LDLRAD4: variants seen among roughly 807,000 people sequenced by gnomAD.
LDLRAD4 encodes the protein low density lipoprotein receptor class A domain containing 4.
A neutral mutation model predicts 17.0 loss-of-function variants in LDLRAD4; 5 were observed. The observed-to-expected ratio is 0.29, with a 90% CI of 0.15 to 0.62. The LOEUF is 0.62. LDLRAD4 is among the 20% of genes least tolerant of loss of function. The pLI is 0.84. For missense variants in LDLRAD4, 340 were observed against 424.7 expected (o/e 0.80, Z 1.75); for synonymous variants, 168 against 171.8 (o/e 0.98, Z 0.17).
chr18:13,464,717 C>CTT (rs34872294), intron 3 of LDLRAD4, among the ~76,000 whole-genome samples: 4 of 134,744 alleles, frequency 3.0e-5, no homozygotes, highest in Admixed American at 7.5e-5. Flanking sequence ...CAGAGCCTGA[C>CTT]TTTTTTTTTT....
At chr18:13,317,425 G>A (rs1281933718) in intron 1 of LDLRAD4, among the ~76,000 whole-genome samples, 1 of 152,088 alleles carries the variant, frequency 6.6e-6, no homozygotes. Context: ...TTTCATTTTT[G>A]TCTCAATTCA....
intron 1 of LDLRAD4, among the ~76,000 whole-genome samples, chr18:13,249,792 C>A: frequency 6.6e-6 from 1 of 152,226 alleles, no homozygotes; most frequent in Middle Eastern, 3.4e-3. Flanking sequence ...GTTGCCCATG[C>A]TTTTGGAGTC....
At chr18:13,349,774 C>T (rs1000185383) in intron 1 of LDLRAD4, among the ~76,000 whole-genome samples, 27 of 152,076 alleles carry the variant, frequency 1.8e-4, no homozygotes, top group African/African-American at 6.5e-4. Flanking sequence ...CTAATGCTCT[C>T]CTTCGTCTCA....
chr18:13,228,787 C>T (rs899303379), intron 1 of LDLRAD4, among the ~76,000 whole-genome samples: 28 of 152,254 alleles, frequency 1.8e-4, no homozygotes, highest in African/African-American at 6.0e-4. Context: ...CTAAACTAGA[C>T]GTCCTGGGAT....
chr18:13,348,166 A>G (rs1314271774), intron 1 of LDLRAD4, among the ~76,000 whole-genome samples: 1 of 152,098 alleles, frequency 6.6e-6, no homozygotes, highest in Non-Finnish European at 1.5e-5. Context: ...TAGAATTTTC[A>G]GTTTTTCTGC....
chr18:13,645,381 CA>C lies in LDLRAD4; in HGVS notation c.646del (p.Ser216ValfsTer3). The C allele has an allele frequency of 6.2e-7, 1 of 1,614,188 alleles. No homozygotes were observed. The highest frequency in any genetic ancestry group is 1.3e-5 in the African/African-American group (1 of 75,050). On this transcript the variant is annotated frameshift_variant, in exon 6 of 6. Coordinates refer to ENST00000359446, the Ensembl canonical transcript of LDLRAD4. LOFTEE classifies it low-confidence loss of function (END_TRUNC). The surrounding 1 kb of genome is among the most constrained non-coding windows in gnomAD (Gnocchi z 5.7). ...CCCCACCCAACCGAACCATATTTGA[CA>C]GTGATTTAATAGACATTGCTATGTA...
intron 3 of LDLRAD4, among the ~76,000 whole-genome samples, chr18:13,563,187 TTTTAGG>T (rs1398134195): frequency 6.6e-6 from 1 of 152,230 alleles, no homozygotes; most frequent in African/African-American, 2.4e-5. Flanking sequence ...GGCATCTTTG[TTTTAGG>T]GATAACTAAT....
rs114405125 is a variant in LDLRAD4, at chr18:13,617,317, T to C, written c.182-3800T>C. Among the ~76,000 whole-genome samples the C allele has an allele frequency of 5.8e-3, 890 of 152,268 alleles. 5 individuals are homozygous for C. The highest frequency in any genetic ancestry group is 0.02 in the African/African-American group (817 of 41,536). ...CTTGCCTGAATTTTAAAATCAGATATATTAGCTCAGAAGATGCACACCTTT... is the reference window on the plus strand; with the variant it reads ...CTTGCCTGAATTTTAAAATCAGATACATTAGCTCAGAAGATGCACACCTTT... On this transcript the variant is annotated intron_variant, in intron 3 of 5. Transcript: ENST00000359446.
At chr18:13,297,906 G>C (rs1436862405) in intron 1 of LDLRAD4, among the ~76,000 whole-genome samples, 1 of 152,274 alleles carries the variant, frequency 6.6e-6, no homozygotes, top group Non-Finnish European at 1.5e-5. Context: ...AAGGCATGTG[G>C]CTGGGGCCAG....
chr18:13,530,395 G>T (rs2094109273), intron 3 of LDLRAD4, among the ~76,000 whole-genome samples: 1 of 152,212 alleles, frequency 6.6e-6, no homozygotes, highest in African/African-American at 2.4e-5. Context: ...GAGATGATGG[G>T]GTCATCAGTC....
chr18:13,390,915 T>C (rs2145298923), intron 2 of LDLRAD4, among the ~76,000 whole-genome samples: 1 of 152,304 alleles, frequency 6.6e-6, no homozygotes, highest in African/African-American at 2.4e-5. Flanking sequence ...TTGGTCTCCC[T>C]TCCCATCTGT....
chr18:13,327,577 G>T (rs925913065), intron 1 of LDLRAD4, among the ~76,000 whole-genome samples: 2 of 152,044 alleles, frequency 1.3e-5, no homozygotes, highest in Admixed American at 1.3e-4. Context: ...TATGGTGCGT[G>T]TATTTTTTTT....
chr18:13,565,626 C>A (rs1204074620), intron 3 of LDLRAD4, among the ~76,000 whole-genome samples: 4 of 152,204 alleles, frequency 2.6e-5, no homozygotes, highest in Non-Finnish European at 5.9e-5. Context: ...TCTCCTTTCT[C>A]GTGCCCCTGT....
chr18:13,611,211 A>C (rs951468404), intron 3 of LDLRAD4: 1 of 154,574 alleles, frequency 6.5e-6, no homozygotes. Flanking sequence ...CTGGCTTCTA[A>C]CGCTGGTAGT....
intron 3 of LDLRAD4, among the ~76,000 whole-genome samples, chr18:13,496,607 G>A (rs1157211371): frequency 6.6e-6 from 1 of 152,226 alleles, no homozygotes; most frequent in Non-Finnish European, 1.5e-5. Flanking sequence ...TCAAGCATCA[G>A]CACCGAACTG....
chr18:13,493,222 T>C (rs1039329547), intron 3 of LDLRAD4, among the ~76,000 whole-genome samples: 1 of 152,214 alleles, frequency 6.6e-6, no homozygotes, highest in Admixed American at 6.5e-5. Context: ...AAATGCCATT[T>C]CCACAAGTCT....
chr18:13,246,162 G>A (rs1166446073), intron 1 of LDLRAD4, among the ~76,000 whole-genome samples: 1 of 152,260 alleles, frequency 6.6e-6, no homozygotes, highest in Non-Finnish European at 1.5e-5. Context: ...CAGATAACCC[G>A]TATTGCTTGA....
Position 13,397,728 on chromosome 18 carries a change from G to A in LDLRAD4, c.40+9966G>A, listed in dbSNP as rs544947046. ...GACCCAGCAGGCCCTGCCCCAGGAC[G>A]ACAAAGCACGGTGCTACCACGGCGC... On this transcript the variant is annotated intron_variant, in intron 2 of 5. Transcript: ENST00000359446. Among the ~76,000 whole-genome samples the A allele has an allele frequency of 7.2e-5, 11 of 152,326 alleles. No individual in the cohort carries two copies. The East Asian group carries it at 1.5e-3, about 21-fold the overall frequency.
intron 3 of LDLRAD4, among the ~76,000 whole-genome samples, chr18:13,447,468 A>G (rs1367573941): frequency 6.6e-6 from 1 of 152,098 alleles, no homozygotes; most frequent in Non-Finnish European, 1.5e-5. Context: ...AAGGCGGAGA[A>G]CAAATGGGAG....
Sources: allele counts gnomAD v4.1 joint callset (sites outside exome capture counted in the v4.1 genomes callset), GRCh38; gene constraint gnomAD v4.1.1; non-coding constraint Gnocchi (gnomAD v3.1); transcripts MANE v1.5; gene names NCBI Gene and HGNC (gene_info 2026-07-23, HGNC 2026-07-21).